The following SORCS2 variants were observed in gnomAD, a reference collection of about 807,000 sequenced individuals.
SORCS2 encodes the protein sortilin related VPS10 domain containing receptor 2.
In SORCS2, 100 loss-of-function variants were observed where a neutral mutation model predicts 141.6. That is an observed-to-expected ratio of 0.71 (90% CI 0.60 to 0.83). The LOEUF (loss-of-function observed/expected upper bound fraction) is 0.83, where lower values mean the gene tolerates loss of function less well. Among genes scored for constraint, SORCS2 ranks in the 40% least tolerant of loss-of-function variants. The probability of loss-of-function intolerance (pLI) is 0.00; values close to 1 mark genes in which losing one functional copy is unlikely to be tolerated. For synonymous variants in SORCS2, 789 were observed against 676.9 expected (o/e 1.17, Z -2.57); for missense variants, 1,646 against 1,560.2 (o/e 1.05, Z -0.93).
chr4:7,382,063 C>T (rs1450745005), intron 1 of SORCS2: 2 of 844,094 alleles, frequency 2.4e-6, no homozygotes, highest in Non-Finnish European at 2.9e-6. Context: ...GGGAAAGGCC[C>T]AGGCATGAGG....
At chr4:7,294,667 C>CCCTCCT (rs138190603) in intron 1 of SORCS2, among the ~76,000 whole-genome samples, 1 of 94,104 alleles carries the variant, frequency 1.1e-5, no homozygotes, top group Non-Finnish European at 2.1e-5. Context: ...CTCTTCCTCT[C>CCCTCCT]CCTCCTCCTC....
rs547722355 is a variant in SORCS2, at chr4:7,266,591, T to G, written c.480+73465T>G. Among the ~76,000 whole-genome samples, 9 of 152,318 alleles carry G rather than the reference T, an allele frequency of 5.9e-5. No individual in the cohort carries two copies. The South Asian group carries it at 1.9e-3, about 32-fold the overall frequency. ...TACTCTCTCCACAGCCTGTTAGCTG[T>G]GAGTCATCCATTCATTCATCAAGCA... On this transcript the variant is annotated intron_variant, in intron 1 of 26. Transcript: ENST00000507866.
chr4:7,324,108 A>G (rs1198058700), intron 1 of SORCS2, among the ~76,000 whole-genome samples: 1 of 152,200 alleles, frequency 6.6e-6, no homozygotes, highest in African/African-American at 2.4e-5. Flanking sequence ...CACAACCAGC[A>G]GGTGGCGGGG....
chr4:7,411,833 T>G (rs4234803), intron 2 of SORCS2, among the ~76,000 whole-genome samples: 142,862 of 152,230 alleles, frequency 0.94, 67,262 homozygotes, highest in Non-Finnish European at 0.99. Flanking sequence ...GTGGTAGTCA[T>G]GTAAGACTTC....
At chr4:7,607,429 A>G (rs1307821481) in intron 3 of SORCS2, among the ~76,000 whole-genome samples, 1 of 149,762 alleles carries the variant, frequency 6.7e-6, no homozygotes, top group Non-Finnish European at 1.5e-5. Flanking sequence ...AACGCCTACC[A>G]CTCTTCCTCC....
chr4:7,645,126 C>T (rs1171171769), intron 4 of SORCS2, among the ~76,000 whole-genome samples: 2 of 152,328 alleles, frequency 1.3e-5, no homozygotes, highest in South Asian at 2.1e-4. Context: ...CAGGAACCCA[C>T]GGTGACGACT....
intron 2 of SORCS2, among the ~76,000 whole-genome samples, chr4:7,449,508 GTC>G (rs1728306727): frequency 6.7e-6 from 1 of 150,078 alleles, no homozygotes; most frequent in Admixed American, 6.7e-5. Flanking sequence ...TGTGCCTCTG[GTC>G]TCCCTGCCTG....
At chr4:7,711,464 G>A (rs141604250) in intron 14 of SORCS2, among the ~76,000 whole-genome samples, 4 of 152,282 alleles carry the variant, frequency 2.6e-5, no homozygotes, top group Admixed American at 1.3e-4. Context: ...TCACCTCCCC[G>A]ACCCAGATGC....
At chr4:7,281,505 T>G (rs1482095795) in intron 1 of SORCS2, among the ~76,000 whole-genome samples, 1 of 152,210 alleles carries the variant, frequency 6.6e-6, no homozygotes, top group Non-Finnish European at 1.5e-5. Context: ...GTTGCTGGGC[T>G]GTGCGTGCGT....
At chr4:7,415,645 C>A (rs1725617186) in intron 2 of SORCS2, among the ~76,000 whole-genome samples, 1 of 152,140 alleles carries the variant, frequency 6.6e-6, no homozygotes, top group Admixed American at 6.5e-5. Context: ...GTTTTGGGGA[C>A]CTTTATTTTG....
intron 1 of SORCS2, chr4:7,381,792 C>T (rs1723009156): frequency 4.6e-6 from 2 of 438,340 alleles, no homozygotes; most frequent in Admixed American, 6.4e-5. Context: ...CCCTGGACTG[C>T]AGCCATGTGC....
intron 12 of SORCS2, among the ~76,000 whole-genome samples, chr4:7,701,840 T>A (rs1225814012): frequency 1.3e-5 from 2 of 152,118 alleles, no homozygotes; most frequent in Non-Finnish European, 2.9e-5. Flanking sequence ...CTTTCCAGCG[T>A]CCCCATGATT....
At position 7,663,737 on chromosome 4, in the gene SORCS2, A is replaced by AGAG. The variant is rs563372484; in HGVS notation, c.953-602_953-600dup. Among the ~76,000 whole-genome samples the AGAG allele has an allele frequency of 6.6e-6, 1 of 152,074 alleles. No homozygotes were observed. The highest frequency in any genetic ancestry group is 1.5e-5 in the Non-Finnish European group (1 of 67,990). ...AGGAGGAGGAAAAGGAAGAGGAGGA[A>AGAG]GAGGAGGAGGAGGAGGCACCCTTCC... is the stretch of plus-strand genomic sequence containing the variant. On this transcript the variant is annotated intron_variant, in intron 6 of 26. Transcript: ENST00000507866. The surrounding 1 kb of genome is among the most constrained non-coding windows in gnomAD (Gnocchi z 4.8).
chr4:7,648,271 C>T lies in SORCS2; in HGVS notation c.814-5863C>T, dbSNP rs1176079835. On this transcript the variant is annotated intron_variant, in intron 4 of 26. Transcript: ENST00000507866. The surrounding 1 kb of genome is among the most constrained non-coding windows in gnomAD (Gnocchi z 4.2). Reference sequence around the variant, plus strand: ...GAGAAAGGAGCCAGCTTCTGCTGGGCCCTGCTAAGTTGGGGGTGGTGCAGG... The same window carrying T: ...GAGAAAGGAGCCAGCTTCTGCTGGGTCCTGCTAAGTTGGGGGTGGTGCAGG... Among the ~76,000 whole-genome samples, 1 of 152,064 alleles carries T rather than the reference C, an allele frequency of 6.6e-6. No individual in the cohort carries two copies. Among genetic ancestry groups the T allele is most frequent in the Non-Finnish European group, 1.5e-5 (1 of 68,008 alleles).
intron 1 of SORCS2, among the ~76,000 whole-genome samples, chr4:7,196,132 C>T (rs1727153824): frequency 6.6e-6 from 1 of 152,204 alleles, no homozygotes; most frequent in African/African-American, 2.4e-5. Flanking sequence ...GAGAAGGGGA[C>T]TTGCTTGGAA....
chr4:7,193,330 C>T lies in SORCS2; in HGVS notation c.480+204C>T, dbSNP rs767619568. Among the ~76,000 whole-genome samples the T allele has an allele frequency of 1.3e-5, 2 of 152,184 alleles. No homozygotes were observed. Among genetic ancestry groups the T allele is most frequent in the African/African-American group, 2.4e-5 (1 of 41,454 alleles). ...TTGGGGAGAGGTCCTCAGATTCGTA[C>T]GCTTGTCTCACCGCAGGGGACATTC... On this transcript the variant is annotated intron_variant, in intron 1 of 26. Transcript: ENST00000507866. The surrounding 1 kb of genome is among the most constrained non-coding windows in gnomAD (Gnocchi z 4.8).
intron 14 of SORCS2, 52 bp from the exon 15 acceptor site, chr4:7,712,681 C>T (rs1208639034): frequency 1.4e-5 from 22 of 1,611,082 alleles, no homozygotes; most frequent in Non-Finnish European, 1.9e-5. Flanking sequence ...CACAGTAGGA[C>T]AAGGCCTAAT....
rs528281481 is a variant in SORCS2, at chr4:7,272,719, G to A, written c.480+79593G>A. Among the ~76,000 whole-genome samples the A allele has an allele frequency of 7.9e-5, 12 of 152,350 alleles. No individual in the cohort carries two copies. The East Asian group carries it at 2.1e-3, about 27-fold the overall frequency. On this transcript the variant is annotated intron_variant, in intron 1 of 26. Coordinates refer to ENST00000507866, the MANE Select transcript of SORCS2 (RefSeq NM_020777.3). Reference sequence around the variant, plus strand: ...TCCAGGGGATGGACAATTTGCGAAGGAACAATACCATCCGCGGCATTGCAG... The same window carrying A: ...TCCAGGGGATGGACAATTTGCGAAGAAACAATACCATCCGCGGCATTGCAG...
chr4:7,479,674 G>A (rs1051442183), intron 2 of SORCS2, among the ~76,000 whole-genome samples: 42 of 149,284 alleles, frequency 2.8e-4, no homozygotes, highest in African/African-American at 9.9e-4. Context: ...TCGGGGGGCC[G>A]TGTCCCTCTT....
Sources: gnomAD v4.1 joint callset for allele counts (sites outside exome capture counted in the v4.1 genomes callset) on GRCh38, gnomAD v4.1.1 for gene constraint, Gnocchi (gnomAD v3.1) non-coding constraint, MANE v1.5 for transcripts, NCBI Gene and HGNC (gene_info 2026-07-23, HGNC 2026-07-21) for gene names.